TMOD3: variants seen among roughly 807,000 people sequenced by gnomAD.
The protein encoded by TMOD3 is tropomodulin-3.
TMOD3 carries 20 observed loss-of-function variants against 39.2 expected under a neutral mutation model. The ratio of observed to expected loss-of-function variants is 0.51; its 90% CI spans 0.36 to 0.74. The LOEUF is 0.74. Ranked by LOEUF, TMOD3 falls within the 30% of genes least tolerant of loss-of-function variation. The pLI, the probability that TMOD3 is intolerant of heterozygous loss-of-function variation, is 0.00. For synonymous variants in TMOD3, 143 were observed against 145.8 expected (o/e 0.98, Z 0.14); for missense variants, 381 against 412.8 (o/e 0.92, Z 0.67).
At chr15:51,886,103 C>G (rs191221477) in intron 3 of TMOD3, among the ~76,000 whole-genome samples, 4 of 151,176 alleles carry the variant, frequency 2.6e-5, no homozygotes, top group Non-Finnish European at 5.9e-5. Flanking sequence ...ACCTCCCAGA[C>G]GGGGTGGCGG....
intron 1 of TMOD3, among the ~76,000 whole-genome samples, chr15:51,848,582 T>C (rs2056346845): frequency 6.6e-6 from 1 of 152,236 alleles, no homozygotes; most frequent in South Asian, 2.1e-4. Flanking sequence ...AATTTGAATT[T>C]TTTTAATTGA....
intron 1 of TMOD3, among the ~76,000 whole-genome samples, chr15:51,858,594 G>T (rs1251581828): frequency 1.3e-5 from 2 of 152,020 alleles, no homozygotes; most frequent in African/African-American, 4.8e-5. Flanking sequence ...GTGATTACAG[G>T]ATGTTTTTAC....
intron 6 of TMOD3, among the ~76,000 whole-genome samples, chr15:51,895,160 T>C (rs1019045176): frequency 6.6e-6 from 1 of 151,916 alleles, no homozygotes; most frequent in Non-Finnish European, 1.5e-5. Flanking sequence ...TGATCCTTCC[T>C]GTGAGTAGAG....
Position 51,901,952 on chromosome 15 carries a change from A to C in TMOD3, c.940A>C (p.Asn314His). 1 of 1,614,168 alleles carries C rather than the reference A, an allele frequency of 6.2e-7. No individual in the cohort carries two copies. Among genetic ancestry groups the C allele is most frequent in the Non-Finnish European group, 8.5e-7 (1 of 1,180,022 alleles). ...GGCCAAGATGCTTGAGGAAAATACAAATATCCTTAAATTTGGATATCAGTT... is the reference window on the plus strand; with the variant it reads ...GGCCAAGATGCTTGAGGAAAATACACATATCCTTAAATTTGGATATCAGTT... ...EMAKMLEENT[N>H]ILKFGYQFTQ... Residue 314 changes from asparagine to histidine, a missense_variant, in exon 9 of 10, where the codon AAT (asparagine) becomes CAT (histidine). Transcript: ENST00000308580.
chr15:51,907,527 CAA>C (rs2056688211), intron 9 of TMOD3, among the ~76,000 whole-genome samples: 1 of 152,212 alleles, frequency 6.6e-6, no homozygotes, highest in Non-Finnish European at 1.5e-5. Context: ...CAGAAGAGCA[CAA>C]GAGCAGAGTG....
At chr15:51,849,936 TAAAA>T (rs112985288) in intron 1 of TMOD3, among the ~76,000 whole-genome samples, 1 of 106,434 alleles carries the variant, frequency 9.4e-6, no homozygotes, top group Non-Finnish European at 2.1e-5. Flanking sequence ...TCTGTCTCAA[TAAAA>T]AAAAAAAAAA....
At chr15:51,833,946 A>C (rs766914337) in intron 1 of TMOD3, among the ~76,000 whole-genome samples, 6 of 152,222 alleles carry the variant, frequency 3.9e-5, no homozygotes. Flanking sequence ...GCCAATGTTT[A>C]GTATTGTCAG....
At chr15:51,874,437 C>T (rs2056491250) in intron 3 of TMOD3, among the ~76,000 whole-genome samples, 1 of 152,164 alleles carries the variant, frequency 6.6e-6, no homozygotes, top group African/African-American at 2.4e-5. Context: ...TTTACCTCTT[C>T]CTCCTTAAAA....
At chr15:51,842,260 C>T (rs747023541) in intron 1 of TMOD3, among the ~76,000 whole-genome samples, 2 of 152,218 alleles carry the variant, frequency 1.3e-5, no homozygotes, top group Non-Finnish European at 2.9e-5. Context: ...TCTCCCCTTA[C>T]TTTACTGGAC....
At chr15:51,890,103 C>T (rs2056584703) in intron 5 of TMOD3, among the ~76,000 whole-genome samples, 1 of 151,012 alleles carries the variant, frequency 6.6e-6, no homozygotes, top group Non-Finnish European at 1.5e-5. Flanking sequence ...TTATTTTTTA[C>T]AAAAAATCGA....
intron 3 of TMOD3, among the ~76,000 whole-genome samples, chr15:51,870,387 T>C (rs1472787276): frequency 4.6e-5 from 7 of 152,232 alleles, no homozygotes; most frequent in African/African-American, 1.7e-4. Context: ...TATAGAATAC[T>C]GGGGAATGGT....
At chr15:51,865,410 CTGAT>C (rs960838337) in intron 2 of TMOD3, among the ~76,000 whole-genome samples, 103 of 152,236 alleles carry the variant, frequency 6.8e-4, no homozygotes, top group African/African-American at 2.4e-3. Context: ...CCCTCACTGC[CTGAT>C]TGATACCTGG....
At chr15:51,842,545 T>C (rs1595890354) in intron 1 of TMOD3, among the ~76,000 whole-genome samples, 1 of 152,294 alleles carries the variant, frequency 6.6e-6, no homozygotes, top group Admixed American at 6.5e-5. Context: ...CCCTGTCTGT[T>C]GGTTATTTTT....
At chr15:51,871,286 A>T (rs2056473505) in intron 3 of TMOD3, among the ~76,000 whole-genome samples, 1 of 152,230 alleles carries the variant, frequency 6.6e-6, no homozygotes, top group Non-Finnish European at 1.5e-5. Context: ...TATTTGTCAA[A>T]GAAAACTACT....
At chr15:51,871,218 A>C (rs144627582) in intron 3 of TMOD3, among the ~76,000 whole-genome samples, 3 of 152,210 alleles carry the variant, frequency 2.0e-5, no homozygotes, top group African/African-American at 7.2e-5. Context: ...TTCAAAACCA[A>C]TGCAGAGTTT....
chr15:51,864,900 G>C (rs1376210297), intron 2 of TMOD3, among the ~76,000 whole-genome samples: 1 of 152,098 alleles, frequency 6.6e-6, no homozygotes, highest in Non-Finnish European at 1.5e-5. Context: ...GGGATAGTGC[G>C]CTCTCTAGCC....
In TMOD3 at chr15:51,889,100, A is replaced by G. The variant is rs144694650; in HGVS notation, c.451A>G (p.Asn151Asp). ...TTTGATAACGAATACAAAGTTCTGT[A>G]ATATAATGGGAAGTAGTAATGGTGT... Reference protein sequence around the residue: ...HNLITNTKFCNIMGSSNGVDQ... With the variant: ...HNLITNTKFCDIMGSSNGVDQ... Residue 151 changes from asparagine to aspartate, a missense_variant, in exon 5 of 10, where the codon AAT becomes GAT. By Grantham distance (23) the Asn-to-Asp change is conservative. Coordinates refer to ENST00000308580, the MANE Select transcript of TMOD3 (RefSeq NM_014547.5). The G allele has an allele frequency of 3.3e-4, 534 of 1,596,142 alleles. No individual in the cohort carries two copies. The highest frequency in any genetic ancestry group is 4.3e-4 in the Non-Finnish European group (503 of 1,174,668).
intron 8 of TMOD3, chr15:51,901,572 AGTGTGTGTGTGTGTGTGT>A (rs57976840): frequency 0.018 from 3,388 of 184,860 alleles, 39 homozygotes; most frequent in Middle Eastern, 0.033. Context: ...TAAAAAGTTT[AGTGTGTGTGTGTGTGTGT>A]GTGTGTGTGT....
chr15:51,846,603 C>T (rs566830956), intron 1 of TMOD3, among the ~76,000 whole-genome samples: 2 of 152,302 alleles, frequency 1.3e-5, no homozygotes, highest in Admixed American at 6.5e-5. Context: ...TTAATCTCAC[C>T]ATTATGCACT....
Sources: gnomAD v4.1 joint callset for allele counts (sites outside exome capture counted in the v4.1 genomes callset) on GRCh38, gnomAD v4.1.1 for gene constraint, MANE v1.5 for transcripts, NCBI Gene and HGNC (gene_info 2026-07-23, HGNC 2026-07-21) for gene names.